QKI: variants seen among roughly 807,000 people sequenced by gnomAD.
QKI encodes KH domain-containing RNA-binding protein QKI.
QKI carries 10 observed loss-of-function variants against 39.0 expected under a neutral mutation model. The observed-to-expected ratio is 0.26, with a 90% CI of 0.16 to 0.43. The LOEUF (loss-of-function observed/expected upper bound fraction) is 0.43. Among genes scored for constraint, QKI ranks in the 20% least tolerant of loss-of-function variants. QKI has a pLI of 1.00. For synonymous variants in QKI, 204 were observed against 155.4 expected (o/e 1.31, Z -2.33); for missense variants, 218 against 428.0 (o/e 0.51, Z 4.33).
At chr6:163,520,079 C>A (rs1207735385) in intron 3 of QKI, among the ~76,000 whole-genome samples, 2 of 151,994 alleles carry the variant, frequency 1.3e-5, no homozygotes, top group Non-Finnish European at 2.9e-5. Context: ...ATTTTTGATT[C>A]TATAGTTATA....
intron 3 of QKI, among the ~76,000 whole-genome samples, chr6:163,497,696 A>T (rs1476103087): frequency 2.6e-5 from 4 of 151,684 alleles, no homozygotes; most frequent in Non-Finnish European, 1.5e-5. Flanking sequence ...TTTTGATAGC[A>T]TGCTTAATTT....
chr6:163,446,981 A>T (rs1583003782), intron 1 of QKI, among the ~76,000 whole-genome samples: 1 of 152,324 alleles, frequency 6.6e-6, no homozygotes, highest in Non-Finnish European at 1.5e-5. Flanking sequence ...TTCACACGCT[A>T]TTAAAACAGT....
intron 1 of QKI, among the ~76,000 whole-genome samples, chr6:163,452,944 T>G (rs180800848): frequency 4.6e-5 from 7 of 152,300 alleles, no homozygotes; most frequent in Middle Eastern, 6.8e-3. Context: ...GCTAGGCTGC[T>G]CTTGAACTCC....
rs73787651 is a variant in QKI, at chr6:163,449,680, G to A, written c.143-5599G>A. 3.8e-3 allele frequency among the ~76,000 whole-genome samples: 585 copies of A among 152,038 alleles called. 4 individuals are homozygous for A. Among genetic ancestry groups the A allele is most frequent in the African/African-American group, 0.012 (491 of 41,472 alleles). On this transcript the variant is annotated intron_variant, in intron 1 of 7. Transcript: ENST00000361752. ...ATGATTGAGTTAGTAAATAGTTTTT[G>A]TGTTTCATTTCCTAATTTTGATTTT...
In QKI at chr6:163,578,089, C is replaced by T. The variant is rs1777682775; in HGVS notation, c.*7379C>T. 1 of 152,152 alleles carries T rather than the reference C, an allele frequency of 6.6e-6. No homozygotes were observed. The highest frequency in any genetic ancestry group is 6.5e-5 in the Admixed American group (1 of 15,272). 9.4% of individuals were successfully genotyped at this position (152,152 alleles called of 1,614,324 possible). A position where few individuals can be genotyped will look rare whatever the true frequency, so the allele number is the denominator to read the frequency against. On this transcript the variant is annotated 3_prime_UTR_variant, in exon 8 of 8. Coordinates refer to ENST00000361752, the MANE Select transcript of QKI (RefSeq NM_006775.3). ...TGCTATTTTGTGAACTGTATACCCT[C>T]TGAAAGCGCTTATTTTTACATGCTA...
intron 5 of QKI, 54 bp from the exon 6 acceptor site, chr6:163,563,366 G>A (rs563897591): frequency 1.1e-5 from 16 of 1,426,656 alleles, no homozygotes; most frequent in South Asian, 8.8e-5. Context: ...TCATTTTTCC[G>A]TATTTTATAC....
chr6:163,547,760 A>G (rs1781978058), intron 4 of QKI, among the ~76,000 whole-genome samples: 1 of 151,950 alleles, frequency 6.6e-6, no homozygotes, highest in African/African-American at 2.4e-5. Flanking sequence ...CTACCTCCAA[A>G]TAGCACATAT....
At position 163,572,134 on chromosome 6, in the gene QKI, A is replaced by G. The variant is rs895638277; in HGVS notation, c.*1424A>G. On this transcript the variant is annotated 3_prime_UTR_variant, in exon 8 of 8. Transcript: ENST00000361752. Reference sequence around the variant, plus strand: ...TCATTCTTTAAAAGAATAGTTTAATACTTTTGGTTATTCCAATCTTCAATG... The same window carrying G: ...TCATTCTTTAAAAGAATAGTTTAATGCTTTTGGTTATTCCAATCTTCAATG... The G allele has an allele frequency of 2.0e-5, 3 of 152,222 alleles. No homozygotes were observed. The highest frequency in any genetic ancestry group is 6.5e-5 in the Admixed American group (1 of 15,272). 9.4% of individuals were successfully genotyped at this position (152,222 alleles called of 1,614,324 possible).
chr6:163,566,952 G>T, intron 7 of QKI, 157 bp downstream of exon 7: 1 of 1,388,002 alleles, frequency 7.2e-7, no homozygotes, highest in Non-Finnish European at 9.3e-7. Flanking sequence ...TTTAAGGGTT[G>T]GGTTTTTTGT....
intron 4 of QKI, among the ~76,000 whole-genome samples, chr6:163,544,618 C>T (rs1005161508): frequency 5.3e-5 from 8 of 151,956 alleles, no homozygotes; most frequent in Non-Finnish European, 7.4e-5. Context: ...GAAAAACACC[C>T]GAAGTACAAT....
intron 2 of QKI, among the ~76,000 whole-genome samples, chr6:163,461,233 T>C (rs752269383): frequency 1.3e-5 from 2 of 152,184 alleles, no homozygotes; most frequent in Non-Finnish European, 2.9e-5. Context: ...AGGCTTTTTA[T>C]GGTTTGGGAT....
chr6:163,562,554 G>T (rs1286884563), intron 5 of QKI, among the ~76,000 whole-genome samples: 2 of 152,156 alleles, frequency 1.3e-5, no homozygotes, highest in Admixed American at 6.5e-5. Flanking sequence ...AGTTCACAGA[G>T]ATCAGTGGGT....
rs369127379 is a variant in QKI, at chr6:163,442,330, C to T, written c.143-12949C>T. ...ATTTAAACATTTTTAGTTTTAATTTCTAGCGTGGTAAGTTTTATTAGACAT... is the reference window on the plus strand; with the variant it reads ...ATTTAAACATTTTTAGTTTTAATTTTTAGCGTGGTAAGTTTTATTAGACAT... On this transcript the variant is annotated intron_variant, in intron 1 of 7. Transcript: ENST00000361752. Among the ~76,000 whole-genome samples the T allele has an allele frequency of 1.4e-4, 22 of 152,204 alleles. 1 individual carries two copies. Among genetic ancestry groups the T allele is most frequent in the African/African-American group, 4.3e-4 (18 of 41,528 alleles).
chr6:163,434,646 C>T (rs985696465), intron 1 of QKI, among the ~76,000 whole-genome samples: 4 of 151,556 alleles, frequency 2.6e-5, no homozygotes, highest in Admixed American at 6.6e-5. Flanking sequence ...ACCCAGGAGG[C>T]GGAGCTTGCA....
At chr6:163,558,754 G>A (rs915516384) in intron 4 of QKI, among the ~76,000 whole-genome samples, 2 of 152,128 alleles carry the variant, frequency 1.3e-5, no homozygotes, top group East Asian at 3.9e-4. Flanking sequence ...AATACAGAGT[G>A]GAGGGGAGTG....
At chr6:163,492,149 T>C (rs914526000) in intron 3 of QKI, among the ~76,000 whole-genome samples, 9 of 152,168 alleles carry the variant, frequency 5.9e-5, no homozygotes, top group African/African-American at 2.2e-4. Context: ...CAGCAATTGA[T>C]CTTTTCAAAA....
chr6:163,427,343 C>G (rs576449805), intron 1 of QKI, among the ~76,000 whole-genome samples: 1 of 137,552 alleles, frequency 7.3e-6, no homozygotes, highest in Non-Finnish European at 1.5e-5. Context: ...AAGGAAAATA[C>G]TTTCAAAATA....
In QKI at chr6:163,415,236, C is replaced by G. The variant is rs1484349012; in HGVS notation, c.43C>G (p.Pro15Ala). 3 of 1,597,998 alleles carry G rather than the reference C, an allele frequency of 1.9e-6. No individual in the cohort carries two copies. The highest frequency in any genetic ancestry group is 1.3e-5 in the African/African-American group (1 of 74,172). ...AACGAAGGAGAAGCCGAAGCCCACC[C>G]CAGATTACCTGATGCAGCTGATGAA... Reference protein sequence around the residue: ...METKEKPKPTPDYLMQLMNDK... With the variant: ...METKEKPKPTADYLMQLMNDK... The change falls in exon 1 of 8, where the codon CCA becomes GCA. Residue 15 changes from proline to alanine, a missense_variant. By Grantham distance (27) the Pro-to-Ala change is conservative. Transcript: ENST00000361752.
chr6:163,522,287 C>T (rs576192385), intron 3 of QKI, among the ~76,000 whole-genome samples: 1 of 152,260 alleles, frequency 6.6e-6, no homozygotes, highest in East Asian at 1.9e-4. Context: ...GCTTGCATGT[C>T]TGTTCACTTG....
Sources: allele counts gnomAD v4.1 joint callset (sites outside exome capture counted in the v4.1 genomes callset), GRCh38; gene constraint gnomAD v4.1.1; transcripts MANE v1.5; gene names NCBI Gene and HGNC (gene_info 2026-07-23, HGNC 2026-07-21).